ALX4: variants seen among roughly 807,000 people sequenced by gnomAD.
ALX4 encodes ALX homeobox 4.
Under a neutral mutation model 40.6 loss-of-function variants are expected in ALX4, and 22 were observed. That is an observed-to-expected ratio of 0.54 (90% CI 0.39 to 0.77). The LOEUF (loss-of-function observed/expected upper bound fraction) is 0.77, where lower values mean the gene tolerates loss of function less well. Among genes scored for constraint, ALX4 ranks in the 30% least tolerant of loss-of-function variants. The pLI is 0.00. For missense variants in ALX4, 556 were observed against 564.8 expected (o/e 0.98, Z 0.16); for synonymous variants, 266 against 240.5 (o/e 1.11, Z -0.98).
At chr11:44,305,369 A>G (rs1956460218) in intron 1 of ALX4, among the ~76,000 whole-genome samples, 1 of 152,234 alleles carries the variant, frequency 6.6e-6, no homozygotes, top group Non-Finnish European at 1.5e-5. Context: ...TATGGAAATT[A>G]ACAAAGTAAA....
intron 2 of ALX4, among the ~76,000 whole-genome samples, chr11:44,270,554 C>T (rs1354315819): frequency 2.0e-5 from 3 of 152,120 alleles, no homozygotes; most frequent in South Asian, 4.1e-4. Flanking sequence ...TCTATGCTCA[C>T]ATCTGCAGGT....
chr11:44,289,251 A>G (rs1956356269), intron 1 of ALX4, among the ~76,000 whole-genome samples: 1 of 152,192 alleles, frequency 6.6e-6, no homozygotes, highest in Admixed American at 6.5e-5. Flanking sequence ...TTTTATGGTA[A>G]AACAAGATAC....
intron 1 of ALX4, among the ~76,000 whole-genome samples, chr11:44,282,173 T>G (rs2119827281): frequency 6.6e-6 from 1 of 152,274 alleles, no homozygotes; most frequent in East Asian, 1.9e-4. Flanking sequence ...AATAGTAATA[T>G]TTAACAAAAA....
intron 1 of ALX4, among the ~76,000 whole-genome samples, chr11:44,293,546 G>A (rs1956385491): frequency 1.3e-5 from 2 of 152,224 alleles, no homozygotes; most frequent in African/African-American, 4.8e-5. Flanking sequence ...TGGATCCCCT[G>A]CAACGGGATA....
At chr11:44,304,502 C>T (rs1196252072) in intron 1 of ALX4, among the ~76,000 whole-genome samples, 4 of 152,154 alleles carry the variant, frequency 2.6e-5, no homozygotes, top group Admixed American at 2.6e-4. Flanking sequence ...GCGCCCCCCC[C>T]ATGAATCATC....
rs1236496444 is a variant in ALX4 at position 44,265,083 on chromosome 11, G to A, written c.1007C>T (p.Ala336Val). 1 of 1,612,904 alleles carries A rather than the reference G, an allele frequency of 6.2e-7. No homozygotes were observed. The highest frequency in any genetic ancestry group is 8.5e-7 in the Non-Finnish European group (1 of 1,179,888). ...GCTGGCCCCAGAGCCAGGGGGGTGG[G>A]CATGAGGGGACATGCAGGCAGGCAC... ...DPVPACMSPH[A>V]HPPGSGASSV... Residue 336 changes from alanine (A) to valine (V), a missense_variant, in exon 4 of 4, where the codon GCC (alanine) becomes GTC (valine). Ala to Val is a moderately conservative substitution (Grantham distance 64, BLOSUM62 0). Coordinates refer to ENST00000652299, the MANE Select transcript of ALX4 (RefSeq NM_021926.4).
chr11:44,276,011 A>T (rs1290581520), intron 1 of ALX4, among the ~76,000 whole-genome samples: 1 of 152,108 alleles, frequency 6.6e-6, no homozygotes, highest in Non-Finnish European at 1.5e-5. Context: ...CTGCATCAGG[A>T]CTTTTCTGGG....
chr11:44,265,342 G>A (rs534553421), intron 3 of ALX4, among the ~76,000 whole-genome samples, 159 bp from the exon 4 acceptor site: 1 of 152,102 alleles, frequency 6.6e-6, no homozygotes, highest in East Asian at 1.9e-4. Flanking sequence ...ACCCCTGTGG[G>A]GGTGGCTTTT....
intron 2 of ALX4, among the ~76,000 whole-genome samples, chr11:44,272,598 G>T (rs1196835004): frequency 2.6e-5 from 4 of 152,066 alleles, no homozygotes; most frequent in African/African-American, 9.6e-5. Context: ...TTGAGGTCAT[G>T]AGTTCAAGAC....
chr11:44,300,169 G>T (rs1236408244), intron 1 of ALX4, among the ~76,000 whole-genome samples: 1 of 152,198 alleles, frequency 6.6e-6, no homozygotes. Flanking sequence ...ATGGGGAAGA[G>T]TGTGGGGTCC....
At chr11:44,308,454 C>G (rs1022322354) in intron 1 of ALX4, among the ~76,000 whole-genome samples, 3 of 152,332 alleles carry the variant, frequency 2.0e-5, no homozygotes, top group East Asian at 1.9e-4. Flanking sequence ...CCACCAGGGC[C>G]GGACCTGAAG....
chr11:44,289,027 T>C (rs910771714), intron 1 of ALX4, among the ~76,000 whole-genome samples: 1 of 152,172 alleles, frequency 6.6e-6, no homozygotes, highest in South Asian at 2.1e-4. Flanking sequence ...GAGCTTCCCT[T>C]AGGAATCATG....
rs189945537 is a variant in ALX4 at position 44,264,658 on chromosome 11, G to A, written c.*196C>T. On this transcript the variant is annotated 3_prime_UTR_variant, in exon 4 of 4. Coordinates refer to ENST00000652299, the MANE Select transcript of ALX4 (RefSeq NM_021926.4). ...GGGGTCAGGGCCTCAGTGCCAGGGAGGGGCCAGGGGCCTGCTGCCCCCTCC... is the reference window on the plus strand; with the variant it reads ...GGGGTCAGGGCCTCAGTGCCAGGGAAGGGCCAGGGGCCTGCTGCCCCCTCC... 188 of 637,514 alleles carry A rather than the reference G, an allele frequency of 2.9e-4. 2 individuals are homozygous for A. The East Asian group carries it at 5.0e-3, about 17-fold the overall frequency. 39.5% of individuals were successfully genotyped at this position (637,514 alleles called of 1,614,324 possible). A position where few individuals can be genotyped will look rare whatever the true frequency, so the allele number is the denominator to read the frequency against.
At chr11:44,292,377 A>AATTTT in intron 1 of ALX4, among the ~76,000 whole-genome samples, 1 of 93,114 alleles carries the variant, frequency 1.1e-5, no homozygotes, top group African/African-American at 4.1e-5. Context: ...GGCTAATTAA[A>AATTTT]TTTTTTTTTT....
rs4755239 is a variant in ALX4, at chr11:44,261,747, T to C, written c.*3107A>G. The C allele has an allele frequency of 0.9, 137,512 of 152,304 alleles. 62,154 individuals are homozygous for C. Among genetic ancestry groups the C allele is most frequent in the East Asian group, 0.99 (5,117 of 5,170 alleles). The allele number at this position is 152,304 out of a possible 1,614,324, so 9.4% of individuals were successfully genotyped here. On this transcript the variant is annotated 3_prime_UTR_variant, in exon 4 of 4. Coordinates refer to ENST00000652299, the MANE Select transcript of ALX4 (RefSeq NM_021926.4). ...TCCATCTGCCGGCTACCCACGACTT[T>C]ATTTTTAAGTTGCCATCTCTGTTGA...
intron 1 of ALX4, among the ~76,000 whole-genome samples, chr11:44,306,645 C>T (rs537462852): frequency 6.6e-6 from 1 of 152,386 alleles, no homozygotes; most frequent in South Asian, 2.1e-4. Flanking sequence ...TCCGACTTTC[C>T]CAATGCTCCT....
chr11:44,266,285 G>A (rs746592978), intron 3 of ALX4, among the ~76,000 whole-genome samples: 17 of 152,188 alleles, frequency 1.1e-4, no homozygotes, highest in African/African-American at 3.1e-4. Flanking sequence ...CCAGCTGTGC[G>A]CTCAGGCAGC....
intron 2 of ALX4, among the ~76,000 whole-genome samples, chr11:44,268,121 C>G (rs1451994163): frequency 6.6e-6 from 1 of 152,192 alleles, no homozygotes; most frequent in Admixed American, 6.5e-5. Flanking sequence ...CTGCAGCCTT[C>G]TTGTTGGAGA....
intron 1 of ALX4, among the ~76,000 whole-genome samples, chr11:44,298,425 C>T (rs1956416132): frequency 6.6e-6 from 1 of 152,164 alleles, no homozygotes; most frequent in Non-Finnish European, 1.5e-5. Context: ...GCAGGTGAGT[C>T]TCAGAATCCC....
Sources: gnomAD v4.1 joint callset for allele counts (sites outside exome capture counted in the v4.1 genomes callset) on GRCh38, gnomAD v4.1.1 for gene constraint, MANE v1.5 for transcripts, NCBI Gene and HGNC (gene_info 2026-07-23, HGNC 2026-07-21) for gene names.